The following PXK variants were observed in gnomAD, a reference collection of about 807,000 sequenced individuals.
PXK encodes the protein PX domain containing serine/threonine kinase like.
In PXK, 35 loss-of-function variants were observed where a neutral mutation model predicts 84.7. The ratio of observed to expected loss-of-function variants is 0.41; its 90% CI spans 0.32 to 0.55. The LOEUF (loss-of-function observed/expected upper bound fraction) is 0.55, where lower values mean the gene tolerates loss of function less well. Among genes scored for constraint, PXK ranks in the 20% least tolerant of loss-of-function variants. The pLI is 0.21. For synonymous variants in PXK, 253 were observed against 260.8 expected (o/e 0.97, Z 0.29); for missense variants, 634 against 699.7 (o/e 0.91, Z 1.06).
rs573603850 is a variant in PXK, at chr3:58,416,637, T to C, written c.1528+3674T>C. ...CCTAGGGATTACACCATTTTTGTTT[T>C]TGAGACAGAGTCTGGGTCTGTCACC... On this transcript the variant is annotated intron_variant, in intron 17 of 17. Coordinates refer to ENST00000356151, the MANE Select transcript of PXK (RefSeq NM_017771.5). This position sits in a 1 kb window ranked among gnomAD's most constrained non-coding sequence, Gnocchi z 4.8. Among the ~76,000 whole-genome samples, 132 of 152,260 alleles carry C rather than the reference T, an allele frequency of 8.7e-4. No homozygotes were observed. The highest frequency in any genetic ancestry group is 3.1e-3 in the African/African-American group (129 of 41,542).
intron 1 of PXK, among the ~76,000 whole-genome samples, chr3:58,357,977 C>A (rs945212515): frequency 1.7e-4 from 25 of 148,906 alleles, no homozygotes; most frequent in African/African-American, 6.4e-4. Context: ...AACAAAAAAA[C>A]AAAAAAACAA....
At chr3:58,334,236 TTGTA>T (rs2097547873) in intron 1 of PXK, among the ~76,000 whole-genome samples, 1 of 152,230 alleles carries the variant, frequency 6.6e-6, no homozygotes, top group African/African-American at 2.4e-5. Flanking sequence ...CAGCCGTGCT[TTGTA>T]GGGCTTGAAT....
rs769441866 is a variant in PXK, at chr3:58,424,774, TCCTCCA to T, written c.1560_1565del (p.Pro523_Pro524del). 6.2e-7 allele frequency: 1 copy of T among 1,613,740 alleles called. No individual in the cohort carries two copies. Reference sequence around the variant, plus strand: ...CAGGGATATCTGCATTACCTCCACCTCCTCCACCTCCACCACCACCAGCAGCTCCCT... The same window carrying T: ...CAGGGATATCTGCATTACCTCCACCTCCTCCACCACCACCAGCAGCTCCCT... On this transcript the variant is annotated inframe_deletion, in exon 18 of 18. Transcript: ENST00000356151.
rs1392238469 is a variant in PXK, at chr3:58,381,232, G to T, written c.202-1282G>T. 3.4e-5 allele frequency among the ~76,000 whole-genome samples: 4 copies of T among 117,346 alleles called. No individual in the cohort carries two copies. In the South Asian group the frequency reaches 1.2e-3, roughly 36 times the overall value. The allele number at this position is 117,346 out of a possible 152,430, so 77.0% of individuals were successfully genotyped here. A position where few individuals can be genotyped will look rare whatever the true frequency, so the allele number is the denominator to read the frequency against. ...CCACTGCACTCCAGCCTAGGCGATA[G>T]TGCGAGACTCCGTCTCAAAAAAAAA... On this transcript the variant is annotated intron_variant, in intron 3 of 17. Transcript: ENST00000356151.
Position 58,426,069 on chromosome 3 carries a change from G to GTC in PXK, c.*1110_*1111insCT, listed in dbSNP as rs1240041477. 1 of 152,174 alleles carries GTC rather than the reference G, an allele frequency of 6.6e-6. No individual in the cohort carries two copies. The highest frequency in any genetic ancestry group is 2.4e-5 in the African/African-American group (1 of 41,438). 9.4% of individuals were successfully genotyped at this position (152,174 alleles called of 1,614,324 possible). On this transcript the variant is annotated 3_prime_UTR_variant, in exon 18 of 18. Coordinates refer to ENST00000356151, the MANE Select transcript of PXK (RefSeq NM_017771.5). The stretch of plus-strand genomic sequence containing the variant: ...AAGATATTTCAAATGAGAACTTTTT[G>GTC]TAGCGTCTGTTGTTAGCAAAGAATA...
In PXK at chr3:58,409,958, G is replaced by T; in HGVS notation, c.1396-132G>T. The T allele has an allele frequency of 1.5e-6, 1 of 645,466 alleles. No homozygotes were observed. 40.0% of individuals were successfully genotyped at this position (645,466 alleles called of 1,614,324 possible). A position where few individuals can be genotyped will look rare whatever the true frequency, so the allele number is the denominator to read the frequency against. ...ACTTCTTCACTGTGTTAAGTTATGG[G>T]GCTGAATATTACCTTGTCTGCAGCT... On this transcript the variant is annotated intron_variant, in intron 15 of 17. Coordinates refer to ENST00000356151, the MANE Select transcript of PXK (RefSeq NM_017771.5). The surrounding 1 kb of genome is among the most constrained non-coding windows in gnomAD (Gnocchi z 4.2).
Position 58,399,176 on chromosome 3 carries a change from A to G in PXK, c.1103-123A>G, listed in dbSNP as rs757967596. The stretch of plus-strand genomic sequence containing the variant: ...GTATGCCATCTGTCTGTGTGTGAAG[A>G]TTTTTGACACTGTCCTGATCAGCCC... On this transcript the variant is annotated intron_variant, in intron 11 of 17. Transcript: ENST00000356151. This position sits in a 1 kb window ranked among gnomAD's most constrained non-coding sequence, Gnocchi z 4.3. 1 of 816,422 alleles carries G rather than the reference A, an allele frequency of 1.2e-6. No homozygotes were observed. Among genetic ancestry groups the G allele is most frequent in the Non-Finnish European group, 2.1e-6 (1 of 480,326 alleles). 50.6% of individuals were successfully genotyped at this position (816,422 alleles called of 1,614,324 possible).
At position 58,402,274 on chromosome 3, in the gene PXK, C is replaced by G. The variant is rs6780183; in HGVS notation, c.1182-1588C>G. On this transcript the variant is annotated intron_variant, in intron 12 of 17. Transcript: ENST00000356151. ...ACTCCCCCTCCCCCTCTCTCTCCCC[C>G]CTTCTTCTTTTTGAGAGTCTTGCTA... Among the ~76,000 whole-genome samples the G allele has an allele frequency of 3.0e-3, 413 of 139,240 alleles. 1 individual carries two copies. The highest frequency in any genetic ancestry group is 0.011 in the African/African-American group (397 of 37,590). 91.3% of individuals were successfully genotyped at this position (139,240 alleles called of 152,430 possible).
At chr3:58,422,630 G>C in intron 17 of PXK, 1 of 985,376 alleles carries the variant, frequency 1.0e-6, no homozygotes, top group Non-Finnish European at 1.2e-6. Flanking sequence ...CTCTGCGGTG[G>C]TGCATTTGCA....
intron 1 of PXK, among the ~76,000 whole-genome samples, chr3:58,362,236 A>G (rs931584402): frequency 6.6e-6 from 1 of 152,154 alleles, no homozygotes; most frequent in African/African-American, 2.4e-5. Context: ...TTTTTCCCTT[A>G]CATAGATCAT....
At chr3:58,377,902 A>G (rs2098457248) in intron 3 of PXK, among the ~76,000 whole-genome samples, 1 of 152,204 alleles carries the variant, frequency 6.6e-6, no homozygotes, top group African/African-American at 2.4e-5. Context: ...CTCAATTTAT[A>G]TCACAGAACC....
At chr3:58,367,309 A>G (rs1169785081) in intron 2 of PXK, among the ~76,000 whole-genome samples, 1 of 151,758 alleles carries the variant, frequency 6.6e-6, no homozygotes, top group Non-Finnish European at 1.5e-5. Flanking sequence ...CAGTGGCACG[A>G]TCTTCGCTCA....
intron 1 of PXK, among the ~76,000 whole-genome samples, chr3:58,363,045 A>G (rs767854565): frequency 6.6e-6 from 1 of 152,160 alleles, no homozygotes; most frequent in Non-Finnish European, 1.5e-5. Flanking sequence ...TCTTGACTAT[A>G]TTTGGAAAAA....
intron 1 of PXK, among the ~76,000 whole-genome samples, chr3:58,354,065 G>T (rs569911126): frequency 6.6e-6 from 1 of 152,340 alleles, no homozygotes; most frequent in South Asian, 2.1e-4. Flanking sequence ...GAGGGGTGGT[G>T]TGGCTGATGG....
intron 17 of PXK, among the ~76,000 whole-genome samples, chr3:58,417,614 T>G (rs533710698): frequency 8.5e-5 from 13 of 152,330 alleles, no homozygotes; most frequent in African/African-American, 3.1e-4. Context: ...CCCTGTTTTT[T>G]CAGTAAGAAC....
chr3:58,337,086 A>C (rs1314547898), intron 1 of PXK, among the ~76,000 whole-genome samples: 1 of 152,162 alleles, frequency 6.6e-6, no homozygotes, highest in Non-Finnish European at 1.5e-5. Flanking sequence ...CAGGGATTAC[A>C]GGTTTGAGCC....
chr3:58,395,588 G>A (rs1170611993), intron 8 of PXK, 70 bp from the exon 9 acceptor site: 4 of 1,224,326 alleles, frequency 3.3e-6, no homozygotes, highest in Non-Finnish European at 4.7e-6. Flanking sequence ...ATCCTGCCTG[G>A]TCAGGGAGTC....
chr3:58,344,458 C>G (rs886483301), intron 1 of PXK, among the ~76,000 whole-genome samples: 5 of 152,182 alleles, frequency 3.3e-5, no homozygotes, highest in African/African-American at 9.7e-5. Flanking sequence ...GACAGCCATG[C>G]TTGGGAGATG....
Position 58,421,076 on chromosome 3 carries a change from C to G in PXK, c.1529-3676C>G. 1.3e-5 allele frequency: 13 copies of G among 993,494 alleles called. No individual in the cohort carries two copies. The highest frequency in any genetic ancestry group is 1.6e-5 in the Non-Finnish European group (13 of 835,336). The allele number at this position is 993,494 out of a possible 1,614,324, so 61.5% of individuals were successfully genotyped here. On this transcript the variant is annotated intron_variant, in intron 17 of 17. Coordinates refer to ENST00000356151, the MANE Select transcript of PXK (RefSeq NM_017771.5). The surrounding 1 kb of genome is among the most constrained non-coding windows in gnomAD (Gnocchi z 5.5). The stretch of plus-strand genomic sequence containing the variant: ...CTGTGACAGGAGTACAGCCTCCTCA[C>G]CTGCCTGAAGCCAAAGGAGAAGGTG...
Sources: allele counts gnomAD v4.1 joint callset (sites outside exome capture counted in the v4.1 genomes callset), GRCh38; gene constraint gnomAD v4.1.1; non-coding constraint Gnocchi (gnomAD v3.1); transcripts MANE v1.5; gene names NCBI Gene and HGNC (gene_info 2026-07-23, HGNC 2026-07-21).